The following HTR2B variants were observed in gnomAD, a reference collection of about 807,000 sequenced individuals.
The protein encoded by HTR2B is 5-HT 2B receptor.
A neutral mutation model predicts 39.8 loss-of-function variants in HTR2B; 31 were observed. That is an observed-to-expected ratio of 0.78 (90% CI 0.58 to 1.05). The LOEUF (loss-of-function observed/expected upper bound fraction) is 1.05. Among genes scored for constraint, HTR2B ranks in the 50% least tolerant of loss-of-function variants. The pLI, the probability that HTR2B is intolerant of heterozygous loss-of-function variation, is 0.00. For missense variants in HTR2B, 562 were observed against 578.0 expected, an observed-to-expected ratio of 0.97 and a Z score of 0.28; for synonymous variants, 210 against 207.1, an observed-to-expected ratio of 1.01 and a Z score of -0.12.
intron 2 of HTR2B, among the ~76,000 whole-genome samples, chr2:231,118,641 G>GA (rs939548896): frequency 3.0e-4 from 46 of 152,066 alleles, no homozygotes; most frequent in African/African-American, 1.0e-3. Context: ...AGTTTTACTA[G>GA]AAACCCCGTA....
At chr2:231,113,646 T>C (rs566583722) in intron 3 of HTR2B, 83 bp downstream of exon 3, 12 of 1,226,914 alleles carry the variant, frequency 9.8e-6, no homozygotes, top group Non-Finnish European at 1.2e-5. Context: ...CTGAGTTTCA[T>C]TGCCTACCAG....
intron 2 of HTR2B, among the ~76,000 whole-genome samples, chr2:231,121,171 A>G (rs1364230000): frequency 6.6e-6 from 1 of 152,194 alleles, no homozygotes; most frequent in Non-Finnish European, 1.5e-5. Flanking sequence ...ACCCCACTAT[A>G]CAACTTATTT....
chr2:231,121,740 A>G (rs145635903), intron 2 of HTR2B, among the ~76,000 whole-genome samples: 4 of 152,190 alleles, frequency 2.6e-5, no homozygotes, highest in Non-Finnish European at 4.4e-5. Context: ...GGTACTTTGC[A>G]TATAATAGAT....
chr2:231,119,533 C>T (rs1695458180), intron 2 of HTR2B, among the ~76,000 whole-genome samples: 1 of 152,084 alleles, frequency 6.6e-6, no homozygotes, highest in South Asian at 2.1e-4. Flanking sequence ...TTCAGCTATA[C>T]CACGGATACT....
chr2:231,115,213 AG>A (rs1329957458), intron 2 of HTR2B, among the ~76,000 whole-genome samples: 1 of 151,722 alleles, frequency 6.6e-6, no homozygotes, highest in Non-Finnish European at 1.5e-5. Flanking sequence ...AGCATAATTT[AG>A]GGGCAGAGTT....
At chr2:231,114,731 T>A (rs1026086177) in intron 2 of HTR2B, among the ~76,000 whole-genome samples, 11 of 152,182 alleles carry the variant, frequency 7.2e-5, no homozygotes, top group African/African-American at 2.7e-4. Flanking sequence ...CTTAAAAAAA[T>A]TTTAGGTGTG....
intron 2 of HTR2B, among the ~76,000 whole-genome samples, chr2:231,121,007 T>G (rs1695521449): frequency 1.3e-5 from 2 of 152,242 alleles, no homozygotes. Flanking sequence ...ATACATGCAG[T>G]TCCCAATTTA....
At chr2:231,112,776 C>T (rs1470717145) in intron 3 of HTR2B, among the ~76,000 whole-genome samples, 2 of 152,014 alleles carry the variant, frequency 1.3e-5, no homozygotes, top group African/African-American at 2.4e-5. Context: ...AGTACAGGGC[C>T]GTAAGACGAT....
chr2:231,119,912 A>G (rs967651885), intron 2 of HTR2B, among the ~76,000 whole-genome samples: 1 of 143,150 alleles, frequency 7.0e-6, no homozygotes, highest in Non-Finnish European at 1.5e-5. Context: ...AACCAATAAC[A>G]CCCAATGGAT....
chr2:231,116,595 GA>G (rs1695342810), intron 2 of HTR2B, among the ~76,000 whole-genome samples: 1 of 151,930 alleles, frequency 6.6e-6, no homozygotes, highest in Non-Finnish European at 1.5e-5. Flanking sequence ...CGTGTCTTTG[GA>G]ATTTGACCAT....
At chr2:231,120,043 C>T (rs1417674468) in intron 2 of HTR2B, among the ~76,000 whole-genome samples, 1 of 151,166 alleles carries the variant, frequency 6.6e-6, no homozygotes, top group Non-Finnish European at 1.5e-5. Flanking sequence ...ACTCTGTCTT[C>T]CGGGTTCAAG....
intron 2 of HTR2B, 117 bp from the exon 3 acceptor site, chr2:231,114,046 C>T: frequency 1.3e-6 from 1 of 774,812 alleles, no homozygotes; most frequent in Admixed American, 2.0e-5. Context: ...AATTTTATAA[C>T]TTTAACAACA....
At chr2:231,119,367 T>C (rs749025303) in intron 2 of HTR2B, among the ~76,000 whole-genome samples, 27 of 152,172 alleles carry the variant, frequency 1.8e-4, no homozygotes, top group Admixed American at 5.2e-4. Context: ...TATAAGATGC[T>C]GGGCCCTGCT....
chr2:231,112,778 T>G (rs184528982), intron 3 of HTR2B, among the ~76,000 whole-genome samples: 3 of 152,330 alleles, frequency 2.0e-5, no homozygotes, highest in South Asian at 4.1e-4. Flanking sequence ...TACAGGGCCG[T>G]AAGACGATTT....
rs149801055 is a variant in HTR2B at position 231,108,795 on chromosome 2, C to T, written c.1168G>A (p.Ala390Thr). ...YTLFNKTFRD[A>T]FGRYITCNYR... is the part of the protein sequence containing the mutation. ...TTGCAGGTGATATATCGGCCAAATG[C>T]ATCCCGAAATGTCTTATTGAAGAGG... Residue 390 changes from alanine to threonine, a missense_variant, in exon 4 of 4, where the codon GCA becomes ACA. Physicochemically the swap from Ala to Thr is moderately conservative, Grantham distance 58. Coordinates refer to ENST00000258400, the MANE Select transcript of HTR2B (RefSeq NM_000867.5). 1.3e-4 allele frequency: 202 copies of T among 1,614,158 alleles called. No homozygotes were observed. The highest frequency in any genetic ancestry group is 5.3e-5 in the Non-Finnish European group (63 of 1,180,032).
At chr2:231,113,689 G>T in intron 3 of HTR2B, 40 bp downstream of exon 3, 2 of 1,576,842 alleles carry the variant, frequency 1.3e-6, no homozygotes, top group South Asian at 1.1e-5. Context: ...TGGAACCAAA[G>T]ATTTTGTATA....
In HTR2B at chr2:231,108,287, A is replaced by G. The variant is rs1695024942; in HGVS notation, c.*230T>C. The G allele has an allele frequency of 6.7e-6, 3 of 446,494 alleles. No homozygotes were observed. The highest frequency in any genetic ancestry group is 2.0e-5 in the African/African-American group (1 of 50,522). 27.7% of individuals were successfully genotyped at this position (446,494 alleles called of 1,614,324 possible). On this transcript the variant is annotated 3_prime_UTR_variant, in exon 4 of 4. Transcript: ENST00000258400. ...CTTTATTTCATTCGAATACCTTAAA[A>G]TTTAACCAGAGTGCTGGATTGTTTT...
At position 231,113,926 on chromosome 2, in the gene HTR2B, G is replaced by A. The variant is rs748257668; in HGVS notation, c.356C>T (p.Ala119Val). The A allele has an allele frequency of 2.5e-6, 4 of 1,613,480 alleles. No individual in the cohort carries two copies. The highest frequency in any genetic ancestry group is 3.4e-6 in the Non-Finnish European group (4 of 1,179,446). Residue 119 changes from alanine (A) to valine (V), a missense_variant, in exon 3 of 4, where the codon GCT becomes GTT. By Grantham distance (64) the Ala-to-Val change is moderately conservative. Coordinates refer to ENST00000258400, the MANE Select transcript of HTR2B (RefSeq NM_000867.5). ...PIALLTIMFE[A>V]MWPLPLVLCP... ...TAGAACAAGTGGGAGGGGCCACATAGCCTCTGAAAGAAACAAAAACAAGAC... is the reference window on the plus strand; with the variant it reads ...TAGAACAAGTGGGAGGGGCCACATAACCTCTGAAAGAAACAAAAACAAGAC...
rs1695637111 is a variant in HTR2B, at chr2:231,123,717, C to T, written c.48G>A (p.Glu16=). 4 of 1,613,912 alleles carry T rather than the reference C, an allele frequency of 2.5e-6. No homozygotes were observed. Among genetic ancestry groups the T allele is most frequent in the South Asian group, 2.2e-5 (2 of 91,086 alleles). ...GAACAAAGGTGCTCTGCAAAATGTG[C>T]TCAGGAATTGTGCTTTGAAGTTCAG... ...RVSELQSTIP[E]HILQSTFVHV... The change falls in exon 2 of 4, where the codon GAG becomes GAA. Residue 16 remains glutamate (E), a synonymous_variant. Coordinates refer to ENST00000258400, the MANE Select transcript of HTR2B (RefSeq NM_000867.5).
Sources: allele counts gnomAD v4.1 joint callset (sites outside exome capture counted in the v4.1 genomes callset), GRCh38; gene constraint gnomAD v4.1.1; transcripts MANE v1.5; gene names NCBI Gene and HGNC (gene_info 2026-07-23, HGNC 2026-07-21).